The following DYM variants were observed in gnomAD, a reference collection of about 807,000 sequenced individuals.
The protein encoded by DYM is dymeclin.
In DYM, 78 loss-of-function variants were observed where a neutral mutation model predicts 93.1. The ratio of observed to expected loss-of-function variants is 0.84; its 90% CI spans 0.70 to 1.01. DYM has a LOEUF of 1.01. Ranked by LOEUF, DYM falls within the 50% of genes least tolerant of loss-of-function variation. The pLI is 0.00. For missense variants in DYM, 789 were observed against 845.0 expected (o/e 0.93, Z 0.82); for synonymous variants, 321 against 319.7 (o/e 1.00, Z -0.04).
chr18:49,092,811 A>G (rs903194318), intron 17 of DYM, among the ~76,000 whole-genome samples: 4 of 152,126 alleles, frequency 2.6e-5, no homozygotes, highest in African/African-American at 9.7e-5. Flanking sequence ...ATACAGGAAA[A>G]CCAACTAGCA....
At chr18:49,363,440 C>T (rs1053527084) in intron 5 of DYM, among the ~76,000 whole-genome samples, 1 of 152,174 alleles carries the variant, frequency 6.6e-6, no homozygotes, top group South Asian at 2.1e-4. Flanking sequence ...CTTTCAACAC[C>T]TGCTGTTAAT....
intron 1 of DYM, among the ~76,000 whole-genome samples, chr18:49,444,741 T>C (rs1051743759): frequency 6.6e-6 from 1 of 152,196 alleles, no homozygotes; most frequent in African/African-American, 2.4e-5. Flanking sequence ...TAGTCTGCAG[T>C]GTAATGATTT....
intron 17 of DYM, among the ~76,000 whole-genome samples, chr18:49,057,977 C>T (rs1179045328): frequency 6.6e-6 from 1 of 152,242 alleles, no homozygotes; most frequent in East Asian, 1.9e-4. Context: ...GTGGTGCAGG[C>T]AGGGCTGAGA....
intron 15 of DYM, among the ~76,000 whole-genome samples, chr18:49,140,667 A>G (rs2084384220): frequency 6.6e-6 from 1 of 152,216 alleles, no homozygotes; most frequent in South Asian, 2.1e-4. Flanking sequence ...ATCTATTATC[A>G]TTAGACTCCA....
In DYM at chr18:49,096,729, G is replaced by T. The variant is rs373825843; in HGVS notation, c.2025+673C>A. ...GCTTCAGGAATACATCTATCAAACA[G>T]ATGTAAATGCCTTCTTCAAATACAG... On this transcript the variant is annotated intron_variant, in intron 17 of 17. Transcript: ENST00000675505. Among the ~76,000 whole-genome samples, 33 of 152,308 alleles carry T rather than the reference G, an allele frequency of 2.2e-4. No homozygotes were observed. The East Asian group carries it at 5.4e-3, about 25-fold the overall frequency.
At chr18:49,292,786 A>G (rs1164278168) in intron 8 of DYM, among the ~76,000 whole-genome samples, 1 of 152,100 alleles carries the variant, frequency 6.6e-6, no homozygotes, top group Non-Finnish European at 1.5e-5. Flanking sequence ...ACTAAAAACT[A>G]AAATTAACTA....
At position 49,258,273 on chromosome 18, in the gene DYM, A is replaced by G. The variant is rs1253829668; in HGVS notation, c.1365+107T>C. ...GACTATACAGTGACCGGTATTTTCT[A>G]CCATATGTCACGAGAATTTTAGCAT... On this transcript the variant is annotated intron_variant, in intron 12 of 17. Coordinates refer to ENST00000675505, the MANE Select transcript of DYM (RefSeq NM_001353214.3). The G allele has an allele frequency of 5.2e-6, 4 of 762,026 alleles. No homozygotes were observed. The East Asian group carries it at 1.1e-4, about 20-fold the overall frequency. The allele number at this position is 762,026 out of a possible 1,614,324, so 47.2% of individuals were successfully genotyped here. A position where few individuals can be genotyped will look rare whatever the true frequency, so the allele number is the denominator to read the frequency against.
At chr18:49,354,630 A>G (rs770041847) in intron 6 of DYM, among the ~76,000 whole-genome samples, 3 of 152,098 alleles carry the variant, frequency 2.0e-5, no homozygotes, top group Non-Finnish European at 4.4e-5. Flanking sequence ...AAAGACTAAC[A>G]GATATATCAT....
At chr18:49,434,982 CG>C (rs2148508004) in intron 1 of DYM, among the ~76,000 whole-genome samples, 1 of 151,864 alleles carries the variant, frequency 6.6e-6, no homozygotes, top group African/African-American at 2.4e-5. Flanking sequence ...CCAAGGCAGG[CG>C]GATCACTTGA....
intron 8 of DYM, among the ~76,000 whole-genome samples, chr18:49,296,870 T>A (rs1396027412): frequency 6.6e-6 from 1 of 152,212 alleles, no homozygotes. Flanking sequence ...TCTGCACCAC[T>A]GTCTGACTTG....
chr18:49,388,901 C>A (rs7235696), intron 3 of DYM, among the ~76,000 whole-genome samples: 100,119 of 142,774 alleles, frequency 0.7, 34,825 homozygotes, highest in Admixed American at 0.75. Context: ...AAAAAAATAG[C>A]ACATTTTCAG....
At chr18:49,274,364 C>T (rs2094794793) in intron 10 of DYM, among the ~76,000 whole-genome samples, 1 of 152,126 alleles carries the variant, frequency 6.6e-6, no homozygotes, top group African/African-American at 2.4e-5. Context: ...ATTGCATAAA[C>T]ATACCACATT....
intron 6 of DYM, among the ~76,000 whole-genome samples, chr18:49,360,491 G>T (rs969333585): frequency 1.3e-5 from 2 of 151,850 alleles, no homozygotes; most frequent in Non-Finnish European, 2.9e-5. Flanking sequence ...GTGTGGTGGC[G>T]CTCGTCTGTA....
At chr18:49,441,861 C>G (rs1385503700) in intron 1 of DYM, among the ~76,000 whole-genome samples, 1 of 152,080 alleles carries the variant, frequency 6.6e-6, no homozygotes, top group Non-Finnish European at 1.5e-5. Context: ...CAGGAAAAGA[C>G]TATTATGCGT....
chr18:49,401,636 T>TCA (rs1491072454), intron 2 of DYM, among the ~76,000 whole-genome samples: 3 of 151,356 alleles, frequency 2.0e-5, no homozygotes, highest in Admixed American at 2.0e-4. Flanking sequence ...TCTCTCTCTC[T>TCA]CACACACACG....
chr18:49,304,619 T>C (rs2061162152), intron 8 of DYM, among the ~76,000 whole-genome samples: 1 of 152,216 alleles, frequency 6.6e-6, no homozygotes, highest in Non-Finnish European at 1.5e-5. Context: ...CCACGTACCA[T>C]GGAGATGACT....
At chr18:49,364,348 G>A (rs1238149203) in intron 5 of DYM, among the ~76,000 whole-genome samples, 1 of 152,040 alleles carries the variant, frequency 6.6e-6, no homozygotes, top group East Asian at 1.9e-4. Context: ...AGGAGGCAGA[G>A]ACAGGAGAAT....
At chr18:49,392,538 C>T (rs945520969) in intron 2 of DYM, among the ~76,000 whole-genome samples, 1 of 151,826 alleles carries the variant, frequency 6.6e-6, no homozygotes, top group African/African-American at 2.4e-5. Context: ...TAAAATGGAC[C>T]AACGACTTAA....
At chr18:49,297,977 T>C (rs1207198124) in intron 8 of DYM, among the ~76,000 whole-genome samples, 1 of 152,126 alleles carries the variant, frequency 6.6e-6, no homozygotes, top group African/African-American at 2.4e-5. Flanking sequence ...ATACACAACC[T>C]TGAATGACAG....
Sources: allele counts gnomAD v4.1 joint callset (sites outside exome capture counted in the v4.1 genomes callset), GRCh38; gene constraint gnomAD v4.1.1; transcripts MANE v1.5; gene names NCBI Gene and HGNC (gene_info 2026-07-23, HGNC 2026-07-21).